Variants in GRIK4 observed in about 807,000 individuals in gnomAD.
The protein encoded by GRIK4 is glutamate receptor ionotropic, kainate 4.
GRIK4 carries 40 observed loss-of-function variants against 104.9 expected under a neutral mutation model. The ratio of observed to expected loss-of-function variants is 0.38; its 90% CI spans 0.30 to 0.50. The LOEUF is 0.50. Among genes scored for constraint, GRIK4 ranks in the 20% least tolerant of loss-of-function variants. The pLI is 0.93. For synonymous variants in GRIK4, 485 were observed against 524.9 expected (o/e 0.92, Z 1.04); for missense variants, 1,047 against 1,308.1 (o/e 0.80, Z 3.08).
At position 120,953,027 on chromosome 11, in the gene GRIK4, A is replaced by C; in HGVS notation, c.1700+63A>C. On this transcript the variant is annotated intron_variant, in intron 15 of 20. Transcript: ENST00000527524. The surrounding 1 kb of genome is among the most constrained non-coding windows in gnomAD (Gnocchi z 4.9). ...CCTCGTGTCCACCTCTGGGAACTGC[A>C]TGGGGAGGGGGTGGGGAGGAGGAGA... 4.2e-6 allele frequency: 3 copies of C among 722,130 alleles called. No individual in the cohort carries two copies. The highest frequency in any genetic ancestry group is 7.2e-6 in the Non-Finnish European group (3 of 415,746). The allele number at this position is 722,130 out of a possible 1,614,324, so 44.7% of individuals were successfully genotyped here. A position where few individuals can be genotyped will look rare whatever the true frequency, so the allele number is the denominator to read the frequency against.
chr11:120,968,982 C>A (rs369184864), intron 19 of GRIK4, among the ~76,000 whole-genome samples: 3 of 152,220 alleles, frequency 2.0e-5, no homozygotes, highest in African/African-American at 7.2e-5. Context: ...AACTTCAGGG[C>A]AGTCTGATTC....
At position 120,928,599 on chromosome 11, in the gene GRIK4, T is replaced by C. The variant is rs145262827; in HGVS notation, c.1477-11748T>C. ...ATCTGCTTGGCCTCTTGAGTCAGCT[T>C]GGACCTCTGTGCCGCATAATTTCAC... On this transcript the variant is annotated intron_variant, in intron 13 of 20. Transcript: ENST00000527524. Among the ~76,000 whole-genome samples the C allele has an allele frequency of 7.2e-3, 1,097 of 152,224 alleles. 16 individuals carry two copies. Among genetic ancestry groups the C allele is most frequent in the African/African-American group, 0.025 (1,046 of 41,534 alleles).
intron 13 of GRIK4, among the ~76,000 whole-genome samples, chr11:120,934,197 T>C (rs1943543919): frequency 1.0e-5 from 1 of 96,408 alleles, no homozygotes; most frequent in Admixed American, 1.6e-4. Flanking sequence ...AGAGCGAGAC[T>C]CCGTCTCAAA....
intron 4 of GRIK4, 113 bp from the exon 5 acceptor site, chr11:120,815,265 C>T (rs749362474): frequency 6.5e-5 from 43 of 657,882 alleles, no homozygotes; most frequent in East Asian, 2.7e-4. Context: ...GCCTGGGCAG[C>T]GGGTGTGCAG....
At chr11:120,515,510 C>T (rs1403577124) in intron 1 of GRIK4, among the ~76,000 whole-genome samples, 5 of 152,176 alleles carry the variant, frequency 3.3e-5, no homozygotes, top group African/African-American at 7.2e-5. Context: ...TCTGAGTGGC[C>T]GCCTTCTGCT....
intron 8 of GRIK4, among the ~76,000 whole-genome samples, chr11:120,854,213 A>G (rs1591992190): frequency 6.6e-6 from 1 of 152,198 alleles, no homozygotes; most frequent in African/African-American, 2.4e-5. Context: ...CTCCTCTCCC[A>G]GGCAGTTAGG....
At chr11:120,849,632 G>T (rs1953931166) in intron 8 of GRIK4, among the ~76,000 whole-genome samples, 1 of 152,214 alleles carries the variant, frequency 6.6e-6, no homozygotes, top group African/African-American at 2.4e-5. Context: ...TGCAAAGTGG[G>T]TGTTCCAATT....
At chr11:120,600,612 G>C (rs891607744) in intron 1 of GRIK4, among the ~76,000 whole-genome samples, 14 of 152,184 alleles carry the variant, frequency 9.2e-5, no homozygotes, top group African/African-American at 3.4e-4. Flanking sequence ...GCAGGGGTCT[G>C]GGGACCCTCT....
chr11:120,917,269 A>AAAAGAAAG (rs1194010522), intron 13 of GRIK4, among the ~76,000 whole-genome samples: 35 of 138,360 alleles, frequency 2.5e-4, no homozygotes, highest in African/African-American at 8.0e-4. Flanking sequence ...AAAAAAAAAA[A>AAAAGAAAG]AAAGAAAGAA....
chr11:120,677,938 T>G (rs1400677414), intron 3 of GRIK4, among the ~76,000 whole-genome samples: 1 of 152,174 alleles, frequency 6.6e-6, no homozygotes, highest in Non-Finnish European at 1.5e-5. Context: ...AGAGGTAGGT[T>G]TGGTAATGTC....
At chr11:120,628,240 A>G (rs374957669) in intron 1 of GRIK4, among the ~76,000 whole-genome samples, 1 of 152,134 alleles carries the variant, frequency 6.6e-6, no homozygotes, top group South Asian at 2.1e-4. Context: ...CTGGCCCTTC[A>G]TCTGACATCT....
intron 3 of GRIK4, among the ~76,000 whole-genome samples, chr11:120,793,235 C>T (rs1199388598): frequency 1.3e-5 from 2 of 151,968 alleles, no homozygotes; most frequent in Non-Finnish European, 2.9e-5. Flanking sequence ...GAGAACATGG[C>T]ATGGGGTGAA....
chr11:120,694,999 G>A (rs897487531), intron 3 of GRIK4, among the ~76,000 whole-genome samples: 1 of 152,176 alleles, frequency 6.6e-6, no homozygotes, highest in South Asian at 2.1e-4. Flanking sequence ...ATTTAGGAAG[G>A]TATTAAAAAA....
At chr11:120,768,310 A>G (rs1042605823) in intron 3 of GRIK4, among the ~76,000 whole-genome samples, 3 of 151,956 alleles carry the variant, frequency 2.0e-5, no homozygotes, top group African/African-American at 7.2e-5. Context: ...TTTTGATGCT[A>G]TCAATTTTTG....
At chr11:120,783,966 C>T (rs1403237576) in intron 3 of GRIK4, among the ~76,000 whole-genome samples, 10 of 152,208 alleles carry the variant, frequency 6.6e-5, no homozygotes, top group Admixed American at 3.3e-4. Context: ...CAGTGTGTTA[C>T]GGAGGTCCCA....
intron 1 of GRIK4, among the ~76,000 whole-genome samples, chr11:120,606,320 C>T (rs572313374): frequency 7.2e-5 from 11 of 152,314 alleles, no homozygotes; most frequent in African/African-American, 2.2e-4. Flanking sequence ...TGAGCAGCCA[C>T]CCTGACGGCC....
At chr11:120,526,370 T>C (rs899605359) in intron 1 of GRIK4, among the ~76,000 whole-genome samples, 2 of 152,174 alleles carry the variant, frequency 1.3e-5, no homozygotes, top group Admixed American at 6.5e-5. Context: ...ACTAATTTTT[T>C]ATATTTTTTC....
At chr11:120,741,030 G>A (rs1422481228) in intron 3 of GRIK4, among the ~76,000 whole-genome samples, 1 of 152,128 alleles carries the variant, frequency 6.6e-6, no homozygotes, top group Non-Finnish European at 1.5e-5. Flanking sequence ...GTGTGTGTGA[G>A]GGGCAAGTTT....
intron 9 of GRIK4, among the ~76,000 whole-genome samples, chr11:120,865,244 T>C (rs906564271): frequency 6.6e-6 from 1 of 152,250 alleles, no homozygotes; most frequent in African/African-American, 2.4e-5. Context: ...TAACAACCTA[T>C]ATATGCCAGA....
Sources: allele counts gnomAD v4.1 joint callset (sites outside exome capture counted in the v4.1 genomes callset), GRCh38; gene constraint gnomAD v4.1.1; non-coding constraint Gnocchi (gnomAD v3.1); transcripts MANE v1.5; gene names NCBI Gene and HGNC (gene_info 2026-07-23, HGNC 2026-07-21).